Variants in ARSB observed in about 807,000 individuals in gnomAD.
ARSB encodes arylsulfatase B.
A neutral mutation model predicts 50.9 loss-of-function variants in ARSB; 41 were observed. The observed-to-expected ratio is 0.81, with a 90% CI of 0.63 to 1.04. ARSB has a LOEUF of 1.04. ARSB is among the 50% of genes least tolerant of loss of function. The pLI is 0.00. For synonymous variants in ARSB, 269 were observed against 284.8 expected, an observed-to-expected ratio of 0.94 and a Z score of 0.56; for missense variants, 672 against 693.3, an observed-to-expected ratio of 0.97 and a Z score of 0.35.
intron 6 of ARSB, among the ~76,000 whole-genome samples, chr5:78,801,488 A>G (rs150476612): frequency 5.3e-5 from 8 of 152,340 alleles, no homozygotes; most frequent in African/African-American, 1.9e-4. Flanking sequence ...GATGAATTGC[A>G]TGACATTAGC....
At chr5:78,906,821 T>C (rs1749088208) in intron 4 of ARSB, among the ~76,000 whole-genome samples, 1 of 152,216 alleles carries the variant, frequency 6.6e-6, no homozygotes, top group South Asian at 2.1e-4. Flanking sequence ...GCCCATGATT[T>C]TAATGAGAAT....
At chr5:78,917,863 C>T (rs145211243) in intron 4 of ARSB, among the ~76,000 whole-genome samples, 98 of 152,246 alleles carry the variant, frequency 6.4e-4, no homozygotes, top group African/African-American at 2.3e-3. Context: ...AAGGGGGAAT[C>T]AAGGAAGACT....
At chr5:78,822,467 G>A (rs1276311501) in intron 6 of ARSB, among the ~76,000 whole-genome samples, 1 of 152,146 alleles carries the variant, frequency 6.6e-6, no homozygotes, top group Admixed American at 6.5e-5. Flanking sequence ...AGCCTGATCA[G>A]TGTTGCTTTG....
intron 6 of ARSB, among the ~76,000 whole-genome samples, chr5:78,810,036 A>C (rs759129223): frequency 6.6e-6 from 1 of 152,226 alleles, no homozygotes; most frequent in African/African-American, 2.4e-5. Flanking sequence ...GAGTTCCAGA[A>C]GAAAAGGCAC....
rs1476305632 is a variant in ARSB, at chr5:78,780,676, CA to C, written c.1337-15del. Reference sequence around the variant, plus strand: ...AGTAACCACAGCCTAGCAAAGAAAACAAAACAGTTTACTGAGGGAGAAGCAC... The same window carrying C: ...AGTAACCACAGCCTAGCAAAGAAAACAAACAGTTTACTGAGGGAGAAGCAC... On this transcript the variant is annotated splice_polypyrimidine_tract_variant and intron_variant, in intron 7 of 7. Transcript: ENST00000264914. The C allele has an allele frequency of 1.8e-5, 29 of 1,613,780 alleles. No individual in the cohort carries two copies. The highest frequency in any genetic ancestry group is 2.4e-5 in the Non-Finnish European group (28 of 1,179,934).
chr5:78,975,223 G>A (rs534075472), intron 1 of ARSB, among the ~76,000 whole-genome samples: 3 of 152,350 alleles, frequency 2.0e-5, no homozygotes, highest in Non-Finnish European at 2.9e-5. Flanking sequence ...CAGTGAGGGC[G>A]AGGAGGACAA....
intron 6 of ARSB, among the ~76,000 whole-genome samples, chr5:78,804,362 G>T (rs532177979): frequency 6.6e-6 from 1 of 152,242 alleles, no homozygotes; most frequent in Non-Finnish European, 1.5e-5. Flanking sequence ...TATCACTGAG[G>T]TTAGAGGACT....
intron 3 of ARSB, among the ~76,000 whole-genome samples, chr5:78,964,072 A>G (rs911484766): frequency 6.6e-6 from 1 of 152,184 alleles, no homozygotes; most frequent in African/African-American, 2.4e-5. Context: ...CACGTAATAT[A>G]CCAAAATTTT....
At position 78,945,033 on chromosome 5, in the gene ARSB, T is replaced by C. The variant is rs1257523757; in HGVS notation, c.898+10262A>G. ...CTTGCAGTTTGATCTCAGACTGCTG[T>C]ACTAGCAATGAGCGAGGCTCCATGG... On this transcript the variant is annotated intron_variant, in intron 4 of 7. Coordinates refer to ENST00000264914, the MANE Select transcript of ARSB (RefSeq NM_000046.5). Among the ~76,000 whole-genome samples, 5 of 152,304 alleles carry C rather than the reference T, an allele frequency of 3.3e-5. No individual in the cohort carries two copies. The East Asian group carries it at 9.7e-4, about 29-fold the overall frequency.
At chr5:78,863,897 T>A (rs916366395) in intron 5 of ARSB, among the ~76,000 whole-genome samples, 26 of 148,822 alleles carry the variant, frequency 1.7e-4, no homozygotes, top group African/African-American at 6.4e-4. Context: ...TAAAGTGGAA[T>A]AAGAACCTAA....
intron 4 of ARSB, among the ~76,000 whole-genome samples, chr5:78,949,699 C>T (rs1212009639): frequency 6.6e-6 from 1 of 152,154 alleles, no homozygotes; most frequent in African/African-American, 2.4e-5. Context: ...TGCCTGAGCT[C>T]AGGAGTTCGA....
intron 5 of ARSB, chr5:78,884,668 T>C (rs1383588980): frequency 2.0e-5 from 3 of 152,200 alleles, no homozygotes; most frequent in African/African-American, 4.8e-5. Context: ...ACCTCCAATA[T>C]ATGCATATTT....
chr5:78,862,582 C>T (rs535479848), intron 5 of ARSB, among the ~76,000 whole-genome samples: 2,869 of 152,238 alleles, frequency 0.019, 90 homozygotes, highest in African/African-American at 0.064. Flanking sequence ...CTTCCTTACA[C>T]CTTATACAAA....
At chr5:78,954,432 T>A (rs181798114) in intron 4 of ARSB, among the ~76,000 whole-genome samples, 1 of 152,294 alleles carries the variant, frequency 6.6e-6, no homozygotes, top group East Asian at 1.9e-4. Flanking sequence ...TCAAAAGTAA[T>A]CTCTGAGATT....
At chr5:78,978,244 C>T (rs1445878404) in intron 1 of ARSB, among the ~76,000 whole-genome samples, 1 of 150,916 alleles carries the variant, frequency 6.6e-6, no homozygotes, top group Non-Finnish European at 1.5e-5. Context: ...GAGGCTGAGG[C>T]AGGAGAATTG....
At chr5:78,879,956 T>C (rs1747667595) in intron 5 of ARSB, among the ~76,000 whole-genome samples, 3 of 138,820 alleles carry the variant, frequency 2.2e-5, no homozygotes, top group Non-Finnish European at 4.7e-5. Context: ...GATCAAACTT[T>C]GGGCAGAAAT....
intron 3 of ARSB, among the ~76,000 whole-genome samples, chr5:78,962,951 C>T (rs1408439910): frequency 1.3e-5 from 2 of 152,160 alleles, no homozygotes; most frequent in Admixed American, 6.5e-5. Flanking sequence ...CAAGTCCAAA[C>T]AGGTATGTAA....
chr5:78,970,393 T>G (rs1161437622), intron 1 of ARSB, among the ~76,000 whole-genome samples: 2 of 152,244 alleles, frequency 1.3e-5, no homozygotes, highest in African/African-American at 4.8e-5. Context: ...TTATTTATGT[T>G]AATATAGTGG....
At chr5:78,857,760 T>C (rs1746224565) in intron 5 of ARSB, among the ~76,000 whole-genome samples, 1 of 152,208 alleles carries the variant, frequency 6.6e-6, no homozygotes, top group African/African-American at 2.4e-5. Flanking sequence ...ATAACAGAAC[T>C]ATCTTGTTTG....
Sources: allele counts gnomAD v4.1 joint callset (sites outside exome capture counted in the v4.1 genomes callset), GRCh38; gene constraint gnomAD v4.1.1; transcripts MANE v1.5; gene names NCBI Gene and HGNC (gene_info 2026-07-23, HGNC 2026-07-21).